The following TAF4B variants were observed in gnomAD, a reference collection of about 807,000 sequenced individuals.
TAF4B encodes the protein transcription initiation factor TFIID subunit 4B.
Under a neutral mutation model 86.4 loss-of-function variants are expected in TAF4B, and 38 were observed. The ratio of observed to expected loss-of-function variants is 0.44; its 90% CI spans 0.34 to 0.58. TAF4B has a LOEUF of 0.58. Ranked by LOEUF, TAF4B falls within the 20% of genes least tolerant of loss-of-function variation. The pLI is 0.02. For missense variants in TAF4B, 988 were observed against 1,027.6 expected, an observed-to-expected ratio of 0.96 and a Z score of 0.53; for synonymous variants, 388 against 391.2, an observed-to-expected ratio of 0.99 and a Z score of 0.10.
At chr18:26,326,486 T>C (rs2057006026) in intron 11 of TAF4B, among the ~76,000 whole-genome samples, 1 of 152,240 alleles carries the variant, frequency 6.6e-6, no homozygotes, top group Non-Finnish European at 1.5e-5. Flanking sequence ...GATTATATTT[T>C]GATAGAAGTT....
intron 9 of TAF4B, among the ~76,000 whole-genome samples, chr18:26,310,873 T>C (rs972036041): frequency 6.6e-6 from 1 of 151,992 alleles, no homozygotes; most frequent in Non-Finnish European, 1.5e-5. Flanking sequence ...TTATTGATGG[T>C]ACATGACAAG....
rs537288382 is a variant in TAF4B, at chr18:26,390,172, A to G, written c.*160A>G. 3.8e-4 allele frequency: 244 copies of G among 636,088 alleles called. 1 individual carries two copies. Among genetic ancestry groups the G allele is most frequent in the Non-Finnish European group, 5.9e-4 (230 of 391,408 alleles). 39.4% of individuals were successfully genotyped at this position (636,088 alleles called of 1,614,324 possible). ...TTATTAACTCTTACCTATCCATCTC[A>G]TGGGACTCTTACAGACTCAGATTCA... On this transcript the variant is annotated 3_prime_UTR_variant, in exon 15 of 15. Transcript: ENST00000269142.
rs1036295856 is a variant in TAF4B at position 26,345,907 on chromosome 18, G to A, written c.2316+10676G>A. Reference sequence around the variant, plus strand: ...TAAACTCTGTGAGATACAGAATACTGATGGACATTCAGTGAAATCAGGAAA... The same window carrying A: ...TAAACTCTGTGAGATACAGAATACTAATGGACATTCAGTGAAATCAGGAAA... On this transcript the variant is annotated intron_variant, in intron 13 of 14. Coordinates refer to ENST00000269142, the MANE Select transcript of TAF4B (RefSeq NM_005640.3). Among the ~76,000 whole-genome samples, 3 of 152,188 alleles carry A rather than the reference G, an allele frequency of 2.0e-5. No homozygotes were observed. In the East Asian group the frequency reaches 5.8e-4, roughly 29 times the overall value.
intron 13 of TAF4B, among the ~76,000 whole-genome samples, chr18:26,337,152 A>T (rs116224273): frequency 1.3e-5 from 2 of 152,180 alleles, no homozygotes; most frequent in Admixed American, 1.3e-4. Context: ...AAATATTTTG[A>T]AAGTTTTCTG....
chr18:26,353,186 A>G (rs1277927359), intron 13 of TAF4B, among the ~76,000 whole-genome samples: 1 of 152,244 alleles, frequency 6.6e-6, no homozygotes, highest in Non-Finnish European at 1.5e-5. Context: ...AAATGTTAGC[A>G]AATCAAATCT....
intron 13 of TAF4B, among the ~76,000 whole-genome samples, chr18:26,338,840 C>T (rs751583188): frequency 2.0e-5 from 3 of 152,104 alleles, no homozygotes; most frequent in Non-Finnish European, 4.4e-5. Flanking sequence ...CTTTGCATTC[C>T]ACATGTAAGG....
intron 13 of TAF4B, among the ~76,000 whole-genome samples, chr18:26,342,393 T>C (rs2057143807): frequency 6.6e-6 from 1 of 152,230 alleles, no homozygotes; most frequent in Admixed American, 6.5e-5. Flanking sequence ...CTGTCCAGGC[T>C]GTTAGCTAAT....
At chr18:26,320,914 A>G (rs561484550) in intron 10 of TAF4B, among the ~76,000 whole-genome samples, 156 bp from the exon 11 acceptor site, 1 of 152,184 alleles carries the variant, frequency 6.6e-6, no homozygotes, top group Non-Finnish European at 1.5e-5. Context: ...AATGTCTAAG[A>G]TCTTTGAAGT....
rs761664199 is a variant in TAF4B, at chr18:26,389,868, T to C, written c.2445T>C (p.Ala815=). ...GIEGLKDNLL[A]SGTSSLTATK... is the part of the protein sequence containing the mutation. The stretch of plus-strand genomic sequence containing the variant: ...AGGGCTTAAAAGACAACCTTCTTGC[T>C]TCTGGGACATCCAGCCTGACAGCCA... Residue 815 remains alanine, a synonymous_variant, in exon 15 of 15, where the codon GCT becomes GCC. Coordinates refer to ENST00000269142, the MANE Select transcript of TAF4B (RefSeq NM_005640.3). 6.2e-7 allele frequency: 1 copy of C among 1,613,492 alleles called. No individual in the cohort carries two copies. The highest frequency in any genetic ancestry group is 1.7e-5 in the Admixed American group (1 of 59,870).
chr18:26,252,819 TTTTA>T (rs898898895), intron 1 of TAF4B, among the ~76,000 whole-genome samples: 37 of 150,136 alleles, frequency 2.5e-4, no homozygotes, highest in African/African-American at 6.3e-4. Context: ...TTATTAGTTA[TTTTA>T]TTTATTTATA....
At chr18:26,371,277 G>A (rs1355791107) in intron 14 of TAF4B, among the ~76,000 whole-genome samples, 1 of 152,132 alleles carries the variant, frequency 6.6e-6, no homozygotes, top group African/African-American at 2.4e-5. Context: ...GCTATAATAA[G>A]TAAATAAAGA....
At chr18:26,305,375 G>A (rs530313704) in intron 9 of TAF4B, among the ~76,000 whole-genome samples, 1 of 152,098 alleles carries the variant, frequency 6.6e-6, no homozygotes, top group South Asian at 2.1e-4. Flanking sequence ...TTTAAAAAAG[G>A]GCAAATTTCA....
chr18:26,386,524 A>G (rs1978376241), intron 14 of TAF4B, among the ~76,000 whole-genome samples: 1 of 152,210 alleles, frequency 6.6e-6, no homozygotes, highest in Admixed American at 6.5e-5. Flanking sequence ...AGTTAGATCA[A>G]GAAGGAAACA....
intron 9 of TAF4B, among the ~76,000 whole-genome samples, chr18:26,309,541 G>A (rs2056833270): frequency 6.6e-6 from 1 of 151,386 alleles, no homozygotes; most frequent in Admixed American, 6.6e-5. Context: ...GAGGACCCGT[G>A]GATTTTAAAA....
chr18:26,324,083 C>T (rs2056984822), intron 11 of TAF4B, among the ~76,000 whole-genome samples: 1 of 152,082 alleles, frequency 6.6e-6, no homozygotes. Flanking sequence ...TAGCAGTTAC[C>T]ATAGAGATTA....
chr18:26,334,121 A>C (rs1224370301), intron 12 of TAF4B, among the ~76,000 whole-genome samples: 1 of 152,134 alleles, frequency 6.6e-6, no homozygotes, highest in Non-Finnish European at 1.5e-5. Context: ...TTCGCTTGAA[A>C]TGAAATTTTG....
intron 14 of TAF4B, among the ~76,000 whole-genome samples, chr18:26,377,731 G>C (rs1019678574): frequency 1.3e-5 from 2 of 152,162 alleles, no homozygotes; most frequent in Non-Finnish European, 2.9e-5. Context: ...GTCTGTTCAT[G>C]ACAGTTCATC....
At chr18:26,298,008 T>C (rs2056685805) in intron 9 of TAF4B, among the ~76,000 whole-genome samples, 1 of 151,348 alleles carries the variant, frequency 6.6e-6, no homozygotes, top group African/African-American at 2.4e-5. Context: ...TGCTAACAAT[T>C]GATACTGCAG....
intron 9 of TAF4B, among the ~76,000 whole-genome samples, chr18:26,300,672 CAT>C (rs2056721738): frequency 6.6e-6 from 1 of 152,036 alleles, no homozygotes; most frequent in African/African-American, 2.4e-5. Context: ...ATTAATATCT[CAT>C]GAGCACTTGG....
Sources: gnomAD v4.1 joint callset for allele counts (sites outside exome capture counted in the v4.1 genomes callset) on GRCh38, gnomAD v4.1.1 for gene constraint, MANE v1.5 for transcripts, NCBI Gene and HGNC (gene_info 2026-07-23, HGNC 2026-07-21) for gene names.